The following LINGO2 variants were observed in gnomAD, a reference collection of about 807,000 sequenced individuals.
LINGO2 encodes leucine rich repeat and Ig domain containing 2.
Under a neutral mutation model 30.6 loss-of-function variants are expected in LINGO2, and 14 were observed. The ratio of observed to expected loss-of-function variants is 0.46; its 90% CI spans 0.30 to 0.72. The LOEUF (loss-of-function observed/expected upper bound fraction) is 0.72, where lower values mean the gene tolerates loss of function less well. LINGO2 is among the 30% of genes least tolerant of loss of function. The probability of loss-of-function intolerance (pLI) is 0.07; values close to 1 mark genes in which losing one functional copy is unlikely to be tolerated. For missense variants in LINGO2, 729 were observed against 751.7 expected (o/e 0.97, Z 0.35); for synonymous variants, 317 against 288.5 (o/e 1.10, Z -1.00).
intron 2 of LINGO2, among the ~76,000 whole-genome samples, chr9:28,386,761 A>G (rs1203023673): frequency 6.6e-6 from 1 of 152,194 alleles, no homozygotes; most frequent in African/African-American, 2.4e-5. Flanking sequence ...GATTTCTTAG[A>G]ATAAGTTATG....
chr9:28,632,217 A>C (rs1454766122), intron 1 of LINGO2, among the ~76,000 whole-genome samples: 1 of 152,154 alleles, frequency 6.6e-6, no homozygotes, highest in African/African-American at 2.4e-5. Flanking sequence ...AGTGTTAAGA[A>C]TCTATAATGA....
At chr9:28,640,140 C>A (rs1043977678) in intron 1 of LINGO2, among the ~76,000 whole-genome samples, 15 of 152,012 alleles carry the variant, frequency 9.9e-5, no homozygotes, top group Non-Finnish European at 1.8e-4. Flanking sequence ...AGAATGTTGA[C>A]TAGTGGCCCC....
Position 28,167,143 on chromosome 9 carries a change from C to A in LINGO2, c.-87+128065G>T, listed in dbSNP as rs991894684. Among the ~76,000 whole-genome samples the A allele has an allele frequency of 1.4e-3, 194 of 138,652 alleles. 5 individuals are homozygous for A. Among genetic ancestry groups the A allele is most frequent in the Middle Eastern group, 3.7e-3 (1 of 268 alleles). 91.0% of individuals were successfully genotyped at this position (138,652 alleles called of 152,430 possible). A position where few individuals can be genotyped will look rare whatever the true frequency, so the allele number is the denominator to read the frequency against. Reference sequence around the variant, plus strand: ...GGAGCTTTTACTTAATATAGCACCCCCCCCCCCCACTTTTCTTTTCTCCAG... The same window carrying A: ...GGAGCTTTTACTTAATATAGCACCCACCCCCCCCACTTTTCTTTTCTCCAG... On this transcript the variant is annotated intron_variant, in intron 4 of 5. Coordinates refer to ENST00000379992, the Ensembl canonical transcript of LINGO2.
At chr9:28,846,435 C>A in the LINGO2 span, among the ~76,000 whole-genome samples, 1 of 148,848 alleles carries the variant, frequency 6.7e-6, no homozygotes, top group African/African-American at 2.5e-5. Context: ...TCTTAAGATT[C>A]CCGATTTATT....
intron 1 of LINGO2, among the ~76,000 whole-genome samples, chr9:28,514,953 C>G (rs984622041): frequency 6.6e-6 from 1 of 151,852 alleles, no homozygotes; most frequent in Non-Finnish European, 1.5e-5. Context: ...AAAAAGAAGC[C>G]TGGATAACAG....
chr9:27,981,253 C>A (rs888263269), intron 5 of LINGO2, among the ~76,000 whole-genome samples: 16 of 151,694 alleles, frequency 1.1e-4, no homozygotes, highest in African/African-American at 3.6e-4. Context: ...AACACTTTCC[C>A]ATGTTTTATC....
intron 5 of LINGO2, among the ~76,000 whole-genome samples, chr9:27,976,769 CT>C (rs907673799): frequency 2.0e-5 from 3 of 151,818 alleles, no homozygotes; most frequent in African/African-American, 7.3e-5. Context: ...GGTGATTAAG[CT>C]TTAAGAAAGC....
the LINGO2 span, among the ~76,000 whole-genome samples, chr9:28,970,707 T>C: frequency 2.0e-5 from 3 of 152,126 alleles, no homozygotes; most frequent in African/African-American, 7.2e-5. Flanking sequence ...CAAAAGGGAA[T>C]TGCCAATCCC....
chr9:28,819,933 T>C, the LINGO2 span, among the ~76,000 whole-genome samples: 7 of 152,160 alleles, frequency 4.6e-5, no homozygotes, highest in Non-Finnish European at 1.0e-4. Context: ...CACCCACACC[T>C]ACCACTCCTC....
chr9:28,517,800 C>T (rs995778725), intron 1 of LINGO2, among the ~76,000 whole-genome samples: 4 of 152,118 alleles, frequency 2.6e-5, no homozygotes, highest in Non-Finnish European at 5.9e-5. Context: ...GTTTACTCTA[C>T]CCAGAAGCCT....
chr9:29,212,153 C>A, the LINGO2 span, among the ~76,000 whole-genome samples: 1 of 152,152 alleles, frequency 6.6e-6, no homozygotes, highest in African/African-American at 2.4e-5. Flanking sequence ...CAGTTCAAGG[C>A]ACAGCTTTCC....
At chr9:28,954,630 A>G in the LINGO2 span, among the ~76,000 whole-genome samples, 68 of 152,334 alleles carry the variant, frequency 4.5e-4, no homozygotes, top group East Asian at 8.7e-3. Context: ...CACAATGAAG[A>G]CACAAATAAT....
At chr9:28,078,442 C>CT (rs1825685739) in intron 4 of LINGO2, among the ~76,000 whole-genome samples, 1 of 148,802 alleles carries the variant, frequency 6.7e-6, no homozygotes, top group South Asian at 2.1e-4. Flanking sequence ...TTTAAATAGA[C>CT]TATTTTTTTT....
At chr9:29,185,873 C>T in the LINGO2 span, among the ~76,000 whole-genome samples, 1 of 152,146 alleles carries the variant, frequency 6.6e-6, no homozygotes, top group South Asian at 2.1e-4. Context: ...TCAAAAGTAG[C>T]TGATATTGCT....
the LINGO2 span, among the ~76,000 whole-genome samples, chr9:29,070,675 T>C: frequency 6.6e-6 from 1 of 151,976 alleles, no homozygotes; most frequent in Non-Finnish European, 1.5e-5. Flanking sequence ...CAGGATCTTG[T>C]TGTTAATGTG....
chr9:28,244,071 T>C (rs1821909001), intron 4 of LINGO2, among the ~76,000 whole-genome samples: 1 of 149,094 alleles, frequency 6.7e-6, no homozygotes, highest in African/African-American at 2.5e-5. Flanking sequence ...ACCACATAAT[T>C]GGAAGTAAAA....
At chr9:29,121,272 A>T in the LINGO2 span, among the ~76,000 whole-genome samples, 2 of 152,184 alleles carry the variant, frequency 1.3e-5, no homozygotes, top group African/African-American at 4.8e-5. Context: ...ATTTATAATC[A>T]GTAAGTTTGT....
chr9:28,250,682 C>G (rs940555197), intron 4 of LINGO2, among the ~76,000 whole-genome samples: 3 of 152,188 alleles, frequency 2.0e-5, no homozygotes, highest in African/African-American at 7.2e-5. Flanking sequence ...AACCCCTCAC[C>G]AGAGCTACGC....
chr9:28,783,717 G>A, the LINGO2 span, among the ~76,000 whole-genome samples: 25 of 152,266 alleles, frequency 1.6e-4, no homozygotes, highest in Middle Eastern at 3.4e-3. Flanking sequence ...CCAAATAGAG[G>A]GAACTAGATG....
Sources: gnomAD v4.1 joint callset for allele counts (sites outside exome capture counted in the v4.1 genomes callset) on GRCh38, gnomAD v4.1.1 for gene constraint, MANE v1.5 for transcripts, NCBI Gene and HGNC (gene_info 2026-07-23, HGNC 2026-07-21) for gene names.